The following CEP72 variants were observed in gnomAD, a reference collection of about 807,000 sequenced individuals.
CEP72 encodes centrosomal protein of 72 kDa.
CEP72 carries 78 observed loss-of-function variants against 65.7 expected under a neutral mutation model. The observed-to-expected ratio is 1.19, with a 90% CI of 0.99 to 1.43. CEP72 has a LOEUF of 1.43. CEP72 is among the 40% of genes most tolerant of loss of function. CEP72 has a pLI of 0.00. For missense variants in CEP72, 914 were observed against 832.9 expected (o/e 1.10, Z -1.20); for synonymous variants, 358 against 351.7 (o/e 1.02, Z -0.20).
downstream of CEP72, among the ~76,000 whole-genome samples, chr5:656,454 C>T (rs778785860): frequency 4.6e-5 from 7 of 152,184 alleles, no homozygotes; most frequent in Non-Finnish European, 7.3e-5. Context: ...GCTCCTTCAG[C>T]GGGTGTTCAT....
At chr5:640,861 C>G (rs2126795059) in intron 9 of CEP72, 1 of 985,466 alleles carries the variant, frequency 1.0e-6, no homozygotes, top group East Asian at 1.1e-4. Flanking sequence ...CCCTCCACCA[C>G]TGGGCAGTGC....
At chr5:638,966 G>C (rs912087907) in intron 7 of CEP72, 123 bp from the exon 8 acceptor site, 3 of 1,270,272 alleles carry the variant, frequency 2.4e-6, no homozygotes, top group African/African-American at 2.9e-5. Context: ...CAGGGCTGGG[G>C]CCTCAGGGCA....
At chr5:672,478 C>T in the CEP72 span, among the ~76,000 whole-genome samples, 18,801 of 152,366 alleles carry the variant, frequency 0.12, 1,488 homozygotes, top group Non-Finnish European at 0.18. Flanking sequence ...CCAGCTGAGA[C>T]CGCAGCCCAG....
chr5:633,966 A>G lies in CEP72; in HGVS notation c.691+19A>G, dbSNP rs372062204. On this transcript the variant is annotated intron_variant, in intron 5 of 11. Transcript: ENST00000264935. ...TCCCAAGGTGCGCTGCTCATCTGCC[A>G]GGAGGCCAGTGGGTCCGCTGGCTCT... is the stretch of plus-strand genomic sequence containing the variant. The G allele has an allele frequency of 1.2e-6, 2 of 1,607,828 alleles. No homozygotes were observed. Among genetic ancestry groups the G allele is most frequent in the African/African-American group, 1.3e-5 (1 of 75,032 alleles).
chr5:675,210 A>G, the CEP72 span, among the ~76,000 whole-genome samples: 39 of 28,654 alleles, frequency 1.4e-3, no homozygotes, highest in African/African-American at 2.5e-3. Context: ...GGTTCAGTGT[A>G]GCCGGGGGTG....
chr5:675,444 G>A, the CEP72 span, among the ~76,000 whole-genome samples: 1,821 of 71,870 alleles, frequency 0.025, 93 homozygotes, highest in African/African-American at 0.1. Context: ...GGTGGGTGCA[G>A]TGTGGCTGGG....
chr5:637,813 A>G lies in CEP72; in HGVS notation c.1201A>G (p.Arg401Gly), dbSNP rs1032322037. 4 of 1,549,962 alleles carry G rather than the reference A, an allele frequency of 2.6e-6. No homozygotes were observed. Among genetic ancestry groups the G allele is most frequent in the Non-Finnish European group, 3.5e-6 (4 of 1,144,948 alleles). The change falls in exon 7 of 12, where the codon AGA (arginine) becomes GGA (glycine). Residue 401 changes from arginine (R) to glycine (G), a missense_variant. Physicochemically the swap from Arg to Gly is moderately radical, Grantham distance 125. Coordinates refer to ENST00000264935, the MANE Select transcript of CEP72 (RefSeq NM_018140.4). ...EQRSRGVTDT[R>G]EPSPGSHSAL... Reference sequence around the variant, plus strand: ...GAGGTCTCGGGGTGTGACCGACACCAGAGAGGTGAGAGAAGGGCTGGGGAG... The same window carrying G: ...GAGGTCTCGGGGTGTGACCGACACCGGAGAGGTGAGAGAAGGGCTGGGGAG...
At chr5:641,229 C>T in intron 9 of CEP72, 1 of 985,388 alleles carries the variant, frequency 1.0e-6, no homozygotes, top group Non-Finnish European at 1.2e-6. Context: ...TCCTCCCAGG[C>T]TCCCTCCACG....
At position 639,070 on chromosome 5, in the gene CEP72, G is replaced by A. The variant is rs1474592032; in HGVS notation, c.1207-19G>A. 1 of 1,613,032 alleles carries A rather than the reference G, an allele frequency of 6.2e-7. No homozygotes were observed. The highest frequency in any genetic ancestry group is 1.3e-5 in the African/African-American group (1 of 74,938). On this transcript the variant is annotated intron_variant, in intron 7 of 11. Coordinates refer to ENST00000264935, the MANE Select transcript of CEP72 (RefSeq NM_018140.4). ...TCAGTTACTGACTCGCTGGCCTCAT[G>A]CTGTTGTTTCCATCACAGCCGTCTC...
intron 9 of CEP72, chr5:641,233 C>T (rs1737999197): frequency 1.0e-6 from 1 of 985,286 alleles, no homozygotes; most frequent in Non-Finnish European, 1.2e-6. Context: ...CCCAGGCTCC[C>T]TCCACGCTGC....
chr5:652,963 C>T (rs745781527), intron 11 of CEP72, 25 bp from the exon 12 acceptor site: 7 of 1,579,466 alleles, frequency 4.4e-6, no homozygotes, highest in Non-Finnish European at 6.0e-6. Context: ...AAGTGCCAAG[C>T]AGCCGCTTCC....
chr5:637,456 T>C lies in CEP72; in HGVS notation c.905-61T>C, dbSNP rs1207305551. On this transcript the variant is annotated intron_variant, in intron 6 of 11. Coordinates refer to ENST00000264935, the MANE Select transcript of CEP72 (RefSeq NM_018140.4). ...CACACATGCCTTTTAAAAGTTACAG[T>C]GCTGAACACTGCACCCAGAGAATTT... The C allele has an allele frequency of 6.7e-6, 10 of 1,484,132 alleles. No individual in the cohort carries two copies. In the East Asian group the frequency reaches 1.1e-4, roughly 17 times the overall value. 91.9% of individuals were successfully genotyped at this position (1,484,132 alleles called of 1,614,324 possible).
chr5:666,207 C>T (rs901459803), intron 4 of CEP72: 24 of 1,496,592 alleles, frequency 1.6e-5, no homozygotes, highest in East Asian at 4.6e-5. Context: ...CAGAGCTGGA[C>T]AGCCATGGCC....
At chr5:638,424 G>C (rs531793841) in intron 7 of CEP72, among the ~76,000 whole-genome samples, 11 of 152,224 alleles carry the variant, frequency 7.2e-5, no homozygotes, top group Non-Finnish European at 1.5e-4. Context: ...GAAGGGAACA[G>C]GCAGGGGCTG....
Position 639,208 on chromosome 5 carries a change from C to T in CEP72, c.1326C>T (p.Ser442=). 2 of 1,583,674 alleles carry T rather than the reference C, an allele frequency of 1.3e-6. No homozygotes were observed. The highest frequency in any genetic ancestry group is 1.1e-5 in the South Asian group (1 of 88,732). Residue 442 remains serine, a synonymous_variant, in exon 8 of 12, where the codon AGC becomes AGT. Transcript: ENST00000264935. Reference sequence around the variant, plus strand: ...GGGGCGGCTGCAGGTCCCTGCACAGCAACGAGGCATTCCTTGGTGAGTCAG... The same window carrying T: ...GGGGCGGCTGCAGGTCCCTGCACAGTAACGAGGCATTCCTTGGTGAGTCAG... ...RSWGGCRSLH[S]NEAFLAQARH... is the part of the protein sequence containing the mutation.
At chr5:616,549 A>G (rs1366179679) in intron 1 of CEP72, among the ~76,000 whole-genome samples, 1 of 152,042 alleles carries the variant, frequency 6.6e-6, no homozygotes, top group Non-Finnish European at 1.5e-5. Context: ...CATGCTGGGT[A>G]TGATGTCATG....
Position 615,712 on chromosome 5 carries a change from T to A in CEP72, c.82+3269T>A, listed in dbSNP as rs574980279. On this transcript the variant is annotated intron_variant, in intron 1 of 11. Transcript: ENST00000264935. ...AGAACTTAAGTGTGCCATTTTATTG[T>A]TTTTTGATTGTTTCCTGTGTTTTTT... 1.2e-4 allele frequency among the ~76,000 whole-genome samples: 18 copies of A among 152,332 alleles called. No individual in the cohort carries two copies. In the South Asian group the frequency reaches 3.7e-3, roughly 32 times the overall value.
At chr5:669,264 A>G (rs1028199855), downstream of CEP72, among the ~76,000 whole-genome samples, 1 of 140,184 alleles carries the variant, frequency 7.1e-6, no homozygotes, top group African/African-American at 2.7e-5. Flanking sequence ...AGCATCCCCC[A>G]GGGGGCGCTG....
At chr5:669,798 C>G (rs1274000415), downstream of CEP72, among the ~76,000 whole-genome samples, 1 of 152,086 alleles carries the variant, frequency 6.6e-6, no homozygotes, top group Non-Finnish European at 1.5e-5. Context: ...CCCAGGAGAC[C>G]CGGGTGCCCC....
Sources: gnomAD v4.1 joint callset for allele counts (sites outside exome capture counted in the v4.1 genomes callset) on GRCh38, gnomAD v4.1.1 for gene constraint, MANE v1.5 for transcripts, NCBI Gene and HGNC (gene_info 2026-07-23, HGNC 2026-07-21) for gene names.